PLPPR5: variants seen among roughly 807,000 people sequenced by gnomAD.
PLPPR5 encodes phospholipid phosphatase related 5.
PLPPR5 carries 16 observed loss-of-function variants against 33.9 expected under a neutral mutation model. That is an observed-to-expected ratio of 0.47 (90% CI 0.32 to 0.72). The LOEUF is 0.72. PLPPR5 is among the 30% of genes least tolerant of loss of function. The pLI, the probability that PLPPR5 is intolerant of heterozygous loss-of-function variation, is 0.03. For synonymous variants in PLPPR5, 163 were observed against 150.3 expected (o/e 1.08, Z -0.62); for missense variants, 301 against 406.7 (o/e 0.74, Z 2.23).
chr1:98,935,041 T>C (rs1172470397), intron 3 of PLPPR5, among the ~76,000 whole-genome samples: 2 of 152,186 alleles, frequency 1.3e-5, no homozygotes, highest in Non-Finnish European at 2.9e-5. Flanking sequence ...GAGGGGCTTC[T>C]GGAGCCTCTA....
chr1:98,976,515 C>A (rs889256291), intron 1 of PLPPR5, among the ~76,000 whole-genome samples: 1 of 151,896 alleles, frequency 6.6e-6, no homozygotes, highest in African/African-American at 2.4e-5. Flanking sequence ...AAAAAGTAGA[C>A]TAGGAAACCA....
intron 1 of PLPPR5, among the ~76,000 whole-genome samples, chr1:99,002,016 T>C (rs1026725818): frequency 2.6e-5 from 4 of 152,058 alleles, no homozygotes; most frequent in African/African-American, 9.7e-5. Context: ...TGGAAGAAAG[T>C]AGTAACTCAA....
intron 3 of PLPPR5, among the ~76,000 whole-genome samples, chr1:98,941,988 ACG>A (rs1491363022): frequency 1.0e-4 from 6 of 58,800 alleles, no homozygotes; most frequent in Admixed American, 9.4e-4. Context: ...ATATATGTAT[ACG>A]TATATATATA....
At chr1:98,984,115 T>C (rs1652162273) in intron 1 of PLPPR5, among the ~76,000 whole-genome samples, 1 of 151,980 alleles carries the variant, frequency 6.6e-6, no homozygotes, top group South Asian at 2.1e-4. Flanking sequence ...ACTTGACTGG[T>C]GGGCTCAGTT....
intron 1 of PLPPR5, among the ~76,000 whole-genome samples, chr1:98,989,203 T>C (rs1168864649): frequency 6.6e-6 from 1 of 152,130 alleles, no homozygotes; most frequent in Non-Finnish European, 1.5e-5. Flanking sequence ...AGAATCATCA[T>C]ATGCTCATTC....
At position 98,892,805 on chromosome 1, in the gene PLPPR5, C is replaced by A; in HGVS notation, c.*267G>T. 3.0e-6 allele frequency: 1 copy of A among 336,712 alleles called. No homozygotes were observed. The highest frequency in any genetic ancestry group is 5.3e-6 in the Non-Finnish European group (1 of 187,518). The allele number at this position is 336,712 out of a possible 1,614,324, so 20.9% of individuals were successfully genotyped here. ...GAATGTTTTATTTAAGAATTTTGTT[C>A]ATTTGGTCATCACATTTTTGTTGAA... On this transcript the variant is annotated 3_prime_UTR_variant, in exon 6 of 6. Transcript: ENST00000263177.
At chr1:98,953,026 A>G in intron 3 of PLPPR5, 44 bp downstream of exon 3, 1 of 1,586,720 alleles carries the variant, frequency 6.3e-7, no homozygotes. Context: ...GGAAAAATTA[A>G]CAATAATACA....
intron 5 of PLPPR5, among the ~76,000 whole-genome samples, chr1:98,894,640 G>T (rs1316277202): frequency 6.6e-6 from 1 of 152,044 alleles, no homozygotes; most frequent in Non-Finnish European, 1.5e-5. Context: ...GCAGTAGAGA[G>T]AAAAGAAAGG....
chr1:98,955,446 T>C (rs1246455763), intron 2 of PLPPR5, among the ~76,000 whole-genome samples: 1 of 152,110 alleles, frequency 6.6e-6, no homozygotes, highest in African/African-American at 2.4e-5. Flanking sequence ...AAATGACTTA[T>C]ACAAAAAGAA....
At chr1:98,957,007 T>C (rs563283745) in intron 1 of PLPPR5, among the ~76,000 whole-genome samples, 2 of 151,912 alleles carry the variant, frequency 1.3e-5, no homozygotes, top group East Asian at 3.9e-4. Context: ...TATGCAGCCA[T>C]AAAAAATGAT....
At chr1:98,928,558 T>C (rs951219254) in intron 3 of PLPPR5, among the ~76,000 whole-genome samples, 1 of 137,988 alleles carries the variant, frequency 7.2e-6, no homozygotes, top group Non-Finnish European at 1.6e-5. Context: ...CATATATATA[T>C]ATATATATAT....
intron 1 of PLPPR5, among the ~76,000 whole-genome samples, chr1:98,965,856 T>C (rs1311875890): frequency 1.3e-5 from 2 of 152,214 alleles, no homozygotes; most frequent in East Asian, 3.8e-4. Flanking sequence ...ATTTCAGATG[T>C]AATGCAGTGA....
intron 3 of PLPPR5, among the ~76,000 whole-genome samples, chr1:98,946,325 G>A (rs819028): frequency 0.94 from 143,748 of 152,274 alleles, 67,908 homozygotes; most frequent in East Asian, 1. Flanking sequence ...ATCAAACACA[G>A]CCATTCTGAA....
chr1:98,938,203 A>C (rs939881881), intron 3 of PLPPR5, among the ~76,000 whole-genome samples: 6 of 152,144 alleles, frequency 3.9e-5, no homozygotes, highest in Non-Finnish European at 8.8e-5. Flanking sequence ...AAAAATGAAG[A>C]AAGAGAACTT....
intron 3 of PLPPR5, among the ~76,000 whole-genome samples, chr1:98,933,253 AG>A (rs1393221293): frequency 2.6e-5 from 4 of 151,880 alleles, no homozygotes; most frequent in Non-Finnish European, 5.9e-5. Flanking sequence ...TGGGAGGCTG[AG>A]GTGGGTGGAT....
chr1:98,909,988 ACTC>A (rs1649063084), intron 5 of PLPPR5, among the ~76,000 whole-genome samples: 1 of 152,122 alleles, frequency 6.6e-6, no homozygotes, highest in South Asian at 2.1e-4. Context: ...TATATGAAAA[ACTC>A]CTATAATTAA....
chr1:98,943,659 G>A (rs574512652), intron 3 of PLPPR5, among the ~76,000 whole-genome samples: 6 of 152,206 alleles, frequency 3.9e-5, no homozygotes, highest in Non-Finnish European at 5.9e-5. Context: ...TGAAATATTC[G>A]GAAACTCCAA....
intron 5 of PLPPR5, among the ~76,000 whole-genome samples, chr1:98,907,828 T>C (rs1288381245): frequency 1.3e-5 from 2 of 152,182 alleles, no homozygotes; most frequent in African/African-American, 4.8e-5. Context: ...AATTTTTTGT[T>C]GTTTGTTGAA....
At chr1:98,914,280 A>C (rs1207447171) in intron 5 of PLPPR5, among the ~76,000 whole-genome samples, 2 of 152,282 alleles carry the variant, frequency 1.3e-5, no homozygotes, top group East Asian at 1.9e-4. Context: ...AGCATGAGGA[A>C]GACAAACAGA....
Sources: gnomAD v4.1 joint callset for allele counts (sites outside exome capture counted in the v4.1 genomes callset) on GRCh38, gnomAD v4.1.1 for gene constraint, MANE v1.5 for transcripts, NCBI Gene and HGNC (gene_info 2026-07-23, HGNC 2026-07-21) for gene names.